WNT9B: variants seen among roughly 807,000 people sequenced by gnomAD.
The protein encoded by WNT9B is Wnt family member 9B, also known as protein Wnt-9b.
In WNT9B, 12 loss-of-function variants were observed where a neutral mutation model predicts 30.2. The ratio of observed to expected loss-of-function variants is 0.40; its 90% CI spans 0.26 to 0.64. WNT9B has a LOEUF of 0.64. WNT9B is among the 30% of genes least tolerant of loss of function. WNT9B has a pLI of 0.42. For synonymous variants in WNT9B, 218 were observed against 216.9 expected (o/e 1.01, Z -0.05); for missense variants, 442 against 485.2 (o/e 0.91, Z 0.84).
intron 1 of WNT9B, among the ~76,000 whole-genome samples, chr17:46,864,790 T>C (rs1291952558): frequency 6.6e-6 from 1 of 152,160 alleles, no homozygotes; most frequent in Non-Finnish European, 1.5e-5. Flanking sequence ...TGGGTCGCCT[T>C]GGACGACCAA....
At chr17:46,840,585 ACTGT>A (rs2084701584) in intron 1 of WNT9B, among the ~76,000 whole-genome samples, 1 of 152,208 alleles carries the variant, frequency 6.6e-6, no homozygotes, top group African/African-American at 2.4e-5. Flanking sequence ...GAATTGCCAT[ACTGT>A]CTAATTGAAC....
At chr17:46,844,493 C>T (rs922489046) in intron 1 of WNT9B, among the ~76,000 whole-genome samples, 43 of 152,048 alleles carry the variant, frequency 2.8e-4, no homozygotes, top group Admixed American at 1.4e-3. Context: ...ATGAGCACTT[C>T]CTGTAAACTT....
intron 1 of WNT9B, among the ~76,000 whole-genome samples, chr17:46,835,029 C>T (rs1057407718): frequency 1.6e-4 from 24 of 152,122 alleles, no homozygotes; most frequent in African/African-American, 4.8e-4. Flanking sequence ...GGATCTCGCT[C>T]TGTTGTCCAG....
Position 46,879,516 on chromosome 17 carries a change from TA to T in WNT9B, c.*2799del, listed in dbSNP as rs2085395873. On this transcript the variant is annotated 3_prime_UTR_variant, in exon 4 of 4. Transcript: ENST00000290015. Reference sequence around the variant, plus strand: ...ACCTGGCATTTGTAAAGCACTTTGCTATTTAGAAACAAAAACTTTTACCCCT... The same window carrying T: ...ACCTGGCATTTGTAAAGCACTTTGCTTTTAGAAACAAAAACTTTTACCCCT... 6.6e-6 allele frequency among the ~76,000 whole-genome samples: 1 copy of T among 152,270 alleles called. No individual in the cohort carries two copies. Among genetic ancestry groups the T allele is most frequent in the Non-Finnish European group, 1.5e-5 (1 of 68,052 alleles).
At chr17:46,874,930 C>A in intron 2 of WNT9B, 171 bp from the exon 3 acceptor site, 1 of 1,018,222 alleles carries the variant, frequency 9.8e-7, no homozygotes, top group Non-Finnish European at 1.5e-6. Context: ...GGGCAGTTGA[C>A]AGGGAGACCC....
At chr17:46,836,977 C>G (rs2084639550) in intron 1 of WNT9B, among the ~76,000 whole-genome samples, 1 of 152,114 alleles carries the variant, frequency 6.6e-6, no homozygotes, top group South Asian at 2.1e-4. Context: ...GAGTCTCGCT[C>G]TGTCGCCCAG....
At chr17:46,836,528 T>A (rs1374939706) in intron 1 of WNT9B, among the ~76,000 whole-genome samples, 1 of 152,228 alleles carries the variant, frequency 6.6e-6, no homozygotes, top group African/African-American at 2.4e-5. Context: ...TAAATGTCGA[T>A]GATTAGAAAC....
At chr17:46,873,229 C>T (rs2085285652) in intron 2 of WNT9B, among the ~76,000 whole-genome samples, 1 of 152,072 alleles carries the variant, frequency 6.6e-6, no homozygotes, top group East Asian at 1.9e-4. Flanking sequence ...CTTTATCTGT[C>T]CCTTTGTTTG....
chr17:46,848,171 C>A (rs916062909), upstream of WNT9B, among the ~76,000 whole-genome samples: 1 of 152,162 alleles, frequency 6.6e-6, no homozygotes, highest in African/African-American at 2.4e-5. Context: ...AATGTAGACA[C>A]CCATGGGGGA....
chr17:46,837,811 A>G (rs1209035557), intron 1 of WNT9B, among the ~76,000 whole-genome samples: 1 of 152,232 alleles, frequency 6.6e-6, no homozygotes, highest in East Asian at 1.9e-4. Context: ...ACAATTGTGC[A>G]TGTTGTGCAC....
upstream of WNT9B, among the ~76,000 whole-genome samples, chr17:46,849,784 C>A (rs1019867342): frequency 1.3e-5 from 2 of 152,146 alleles, no homozygotes; most frequent in African/African-American, 4.8e-5. Flanking sequence ...CATCACACCC[C>A]AGTCCTGCCT....
At chr17:46,844,559 G>A (rs1229134051) in intron 1 of WNT9B, among the ~76,000 whole-genome samples, 2 of 152,030 alleles carry the variant, frequency 1.3e-5, no homozygotes, top group Non-Finnish European at 2.9e-5. Flanking sequence ...GGTGGTGGCC[G>A]ATTTCTAAAA....
intron 1 of WNT9B, among the ~76,000 whole-genome samples, chr17:46,853,033 G>C (rs1205487597): frequency 6.6e-6 from 1 of 152,126 alleles, no homozygotes; most frequent in Non-Finnish European, 1.5e-5. Context: ...TACAAAGAAG[G>C]GGTTGAACTT....
At chr17:46,843,581 G>T (rs1365195576) in intron 1 of WNT9B, among the ~76,000 whole-genome samples, 1 of 152,110 alleles carries the variant, frequency 6.6e-6, no homozygotes, top group Non-Finnish European at 1.5e-5. Flanking sequence ...TCTCTTTACT[G>T]CTGCACAGTC....
At chr17:46,844,457 A>G (rs553475221) in intron 1 of WNT9B, among the ~76,000 whole-genome samples, 1 of 152,256 alleles carries the variant, frequency 6.6e-6, no homozygotes, top group East Asian at 1.9e-4. Context: ...CTATGGTCCA[A>G]CTGTCTACCA....
rs2085355176 is a variant in WNT9B at position 46,876,875 on chromosome 17, G to A, written c.*157G>A. ...GTGTGCCACTCACCACCATTCCTTG[G>A]CCAGCCTTTTGCCTCCCTCGATACT... On this transcript the variant is annotated 3_prime_UTR_variant, in exon 4 of 4. Coordinates refer to ENST00000290015, the MANE Select transcript of WNT9B (RefSeq NM_003396.3). 2 of 1,392,152 alleles carry A rather than the reference G, an allele frequency of 1.4e-6. No homozygotes were observed. Among genetic ancestry groups the A allele is most frequent in the South Asian group, 1.9e-5 (1 of 52,770 alleles). The allele number at this position is 1,392,152 out of a possible 1,614,324, so 86.2% of individuals were successfully genotyped here. A position where few individuals can be genotyped will look rare whatever the true frequency, so the allele number is the denominator to read the frequency against.
intron 1 of WNT9B, among the ~76,000 whole-genome samples, chr17:46,862,400 A>G (rs2085055930): frequency 6.6e-6 from 1 of 152,180 alleles, no homozygotes; most frequent in East Asian, 1.9e-4. Flanking sequence ...AACAAAGCCC[A>G]TAATATTCTC....
At chr17:46,872,305 C>G (rs1050427388) in intron 1 of WNT9B, among the ~76,000 whole-genome samples, 1 of 152,150 alleles carries the variant, frequency 6.6e-6, no homozygotes, top group African/African-American at 2.4e-5. Flanking sequence ...GAGCAGAGAC[C>G]GGAATCTGGA....
intron 1 of WNT9B, among the ~76,000 whole-genome samples, chr17:46,843,675 T>C (rs935376230): frequency 1.3e-5 from 2 of 152,262 alleles, no homozygotes; most frequent in Non-Finnish European, 2.9e-5. Flanking sequence ...TTGACTTCTC[T>C]GTGCCCATTT....
Sources: allele counts gnomAD v4.1 joint callset (sites outside exome capture counted in the v4.1 genomes callset), GRCh38; gene constraint gnomAD v4.1.1; transcripts MANE v1.5; gene names NCBI Gene and HGNC (gene_info 2026-07-23, HGNC 2026-07-21).